The following ARSB variants were observed in gnomAD, a reference collection of about 807,000 sequenced individuals.
ARSB encodes the protein N-acetylgalactosamine-4-sulfatase.
A neutral mutation model predicts 50.9 loss-of-function variants in ARSB; 41 were observed. The ratio of observed to expected loss-of-function variants is 0.81; its 90% CI spans 0.63 to 1.04. The LOEUF (loss-of-function observed/expected upper bound fraction) is 1.04, where lower values mean the gene tolerates loss of function less well. Among genes scored for constraint, ARSB ranks in the 50% least tolerant of loss-of-function variants. The pLI, the probability that ARSB is intolerant of heterozygous loss-of-function variation, is 0.00. For missense variants in ARSB, 672 were observed against 693.3 expected, an observed-to-expected ratio of 0.97 and a Z score of 0.35; for synonymous variants, 269 against 284.8, an observed-to-expected ratio of 0.94 and a Z score of 0.56.
At chr5:78,888,027 C>A (rs1187312310) in intron 4 of ARSB, among the ~76,000 whole-genome samples, 1 of 152,222 alleles carries the variant, frequency 6.6e-6, no homozygotes, top group African/African-American at 2.4e-5. Flanking sequence ...CACACCAGTT[C>A]TCAGTTCTTT....
intron 6 of ARSB, among the ~76,000 whole-genome samples, chr5:78,799,482 A>G (rs1203661662): frequency 6.6e-6 from 1 of 152,168 alleles, no homozygotes; most frequent in African/African-American, 2.4e-5. Flanking sequence ...GAGTCTGGAG[A>G]GAGACTCCCT....
At chr5:78,800,359 T>C (rs971962834) in intron 6 of ARSB, among the ~76,000 whole-genome samples, 1 of 141,536 alleles carries the variant, frequency 7.1e-6, no homozygotes, top group Non-Finnish European at 1.5e-5. Context: ...AGCAGCAAAG[T>C]AGGAAGCTGT....
At chr5:78,954,497 A>G (rs1751627762) in intron 4 of ARSB, among the ~76,000 whole-genome samples, 1 of 152,156 alleles carries the variant, frequency 6.6e-6, no homozygotes, top group Non-Finnish European at 1.5e-5. Flanking sequence ...TATAACTTTT[A>G]CTGTCAGAAA....
intron 4 of ARSB, among the ~76,000 whole-genome samples, chr5:78,913,635 T>C (rs1360885306): frequency 6.6e-6 from 1 of 152,208 alleles, no homozygotes; most frequent in Non-Finnish European, 1.5e-5. Context: ...CATATTTCAA[T>C]ATAGGCTCAG....
At position 78,781,323 on chromosome 5, in the gene ARSB, C is replaced by CTTTTTTTT. The variant is rs376851173; in HGVS notation, c.1336+521_1336+528dup. On this transcript the variant is annotated intron_variant, in intron 7 of 7. Coordinates refer to ENST00000264914, the MANE Select transcript of ARSB (RefSeq NM_000046.5). ...TCTCTCTGTCTTTCTCTCTCTCTCT[C>CTTTTTTTT]TTTTTTTTTTTTTTTTTTTTTTTTT... Among the ~76,000 whole-genome samples the CTTTTTTTT allele has an allele frequency of 4.4e-3, 335 of 75,390 alleles. 3 individuals carry two copies. The highest frequency in any genetic ancestry group is 0.014 in the Middle Eastern group (1 of 74). 49.5% of individuals were successfully genotyped at this position (75,390 alleles called of 152,430 possible). A position where few individuals can be genotyped will look rare whatever the true frequency, so the allele number is the denominator to read the frequency against.
intron 4 of ARSB, among the ~76,000 whole-genome samples, chr5:78,910,730 A>T (rs1282650797): frequency 6.7e-6 from 1 of 149,710 alleles, no homozygotes; most frequent in Non-Finnish European, 1.5e-5. Flanking sequence ...AAAAATTTTT[A>T]AAAATCCAAC....
intron 6 of ARSB, among the ~76,000 whole-genome samples, chr5:78,804,341 C>T (rs1224898948): frequency 6.6e-6 from 1 of 152,126 alleles, no homozygotes; most frequent in African/African-American, 2.4e-5. Flanking sequence ...GCCACCCCAT[C>T]CGAACCACCC....
At chr5:78,852,105 G>C (rs1386569507) in intron 5 of ARSB, among the ~76,000 whole-genome samples, 1 of 152,150 alleles carries the variant, frequency 6.6e-6, no homozygotes, top group Non-Finnish European at 1.5e-5. Context: ...TTGTCATTAT[G>C]ATATTAGCTG....
rs73767449 is a variant in ARSB at position 78,839,322 on chromosome 5, A to G, written c.1213+34T>C. 2,004 of 1,596,710 alleles carry G rather than the reference A, an allele frequency of 1.3e-3. 30 individuals are homozygous for G. In the African/African-American group the frequency reaches 0.024, roughly 19 times the overall value. ...ATCAAACCATCTTGGTGGGCCAATTAGATTTAATCTAGTAGCAATGCACTG... is the reference window on the plus strand; with the variant it reads ...ATCAAACCATCTTGGTGGGCCAATTGGATTTAATCTAGTAGCAATGCACTG... On this transcript the variant is annotated intron_variant, in intron 6 of 7. Transcript: ENST00000264914.
chr5:78,819,307 A>C (rs1213051406), intron 6 of ARSB, among the ~76,000 whole-genome samples: 1 of 152,212 alleles, frequency 6.6e-6, no homozygotes, highest in Non-Finnish European at 1.5e-5. Context: ...GCTGCTTCTC[A>C]AATTTGATCT....
intron 4 of ARSB, among the ~76,000 whole-genome samples, chr5:78,944,406 G>C (rs1047365163): frequency 9.2e-5 from 14 of 152,154 alleles, no homozygotes; most frequent in African/African-American, 3.4e-4. Flanking sequence ...CATCTTTGTG[G>C]TTTTATTTAC....
chr5:78,955,045 TACTC>T (rs1751656647), intron 4 of ARSB, among the ~76,000 whole-genome samples: 1 of 152,196 alleles, frequency 6.6e-6, no homozygotes, highest in African/African-American at 2.4e-5. Context: ...CACTCATACT[TACTC>T]AGTTAGTGAA....
At chr5:78,922,227 CCTA>C (rs1461429752) in intron 4 of ARSB, among the ~76,000 whole-genome samples, 2 of 151,710 alleles carry the variant, frequency 1.3e-5, no homozygotes, top group African/African-American at 4.8e-5. Context: ...GGGCACGTGA[CCTA>C]CTGAGACACC....
rs186079065 is a variant in ARSB, at chr5:78,811,793, G to A, written c.1213+27563C>T. On this transcript the variant is annotated intron_variant, in intron 6 of 7. Coordinates refer to ENST00000264914, the MANE Select transcript of ARSB (RefSeq NM_000046.5). Reference sequence around the variant, plus strand: ...ATAGTTATCTCAGGAACTATAGATCGTGTGAAGCAATGAATATGGAATCCT... The same window carrying A: ...ATAGTTATCTCAGGAACTATAGATCATGTGAAGCAATGAATATGGAATCCT... Among the ~76,000 whole-genome samples the A allele has an allele frequency of 1.0e-3, 158 of 152,216 alleles. 1 individual carries two copies. Among genetic ancestry groups the A allele is most frequent in the African/African-American group, 3.3e-3 (139 of 41,534 alleles).
chr5:78,930,971 TCAG>T (rs1750295894), intron 4 of ARSB, among the ~76,000 whole-genome samples: 2 of 152,156 alleles, frequency 1.3e-5, no homozygotes, highest in Admixed American at 6.5e-5. Context: ...TAGTCTTTCC[TCAG>T]CTGACTAAGC....
Position 78,887,877 on chromosome 5 carries a change from G to A in ARSB, c.899-2050C>T, listed in dbSNP as rs568247210. Among the ~76,000 whole-genome samples the A allele has an allele frequency of 5.3e-5, 8 of 152,256 alleles. No homozygotes were observed. In the South Asian group the frequency reaches 1.7e-3, roughly 32 times the overall value. ...AAAACCACAAGTACGGTCAACCTCA[G>A]CAAAGTGTACACTCTTCCTATGAGT... is the stretch of plus-strand genomic sequence containing the variant. On this transcript the variant is annotated intron_variant, in intron 4 of 7. Coordinates refer to ENST00000264914, the MANE Select transcript of ARSB (RefSeq NM_000046.5).
At chr5:78,956,157 T>C (rs1751713518) in intron 3 of ARSB, among the ~76,000 whole-genome samples, 1 of 152,064 alleles carries the variant, frequency 6.6e-6, no homozygotes, top group African/African-American at 2.4e-5. Context: ...ATAAACAAAA[T>C]ATGGTATATT....
intron 4 of ARSB, among the ~76,000 whole-genome samples, chr5:78,949,296 T>C (rs138565099): frequency 6.6e-6 from 1 of 152,242 alleles, no homozygotes; most frequent in Admixed American, 6.5e-5. Flanking sequence ...ACCAGGAAGC[T>C]AGATTGTTTT....
chr5:78,933,757 G>A (rs1340041910), intron 4 of ARSB, among the ~76,000 whole-genome samples: 1 of 152,194 alleles, frequency 6.6e-6, no homozygotes, highest in Non-Finnish European at 1.5e-5. Flanking sequence ...CTCAGAACCT[G>A]TGAATATGTT....
Sources: allele counts gnomAD v4.1 joint callset (sites outside exome capture counted in the v4.1 genomes callset), GRCh38; gene constraint gnomAD v4.1.1; transcripts MANE v1.5; gene names NCBI Gene and HGNC (gene_info 2026-07-23, HGNC 2026-07-21).